The following WDR97 variants were observed in gnomAD, a reference collection of about 807,000 sequenced individuals.
WDR97 encodes WD repeat domain 97.
In WDR97, 111 loss-of-function variants were observed where a neutral mutation model predicts 65.4. The observed-to-expected ratio is 1.70, with a 90% CI of 1.45 to 1.99. The LOEUF is 1.99. WDR97 is among the 30% of genes most tolerant of loss of function. WDR97 has a pLI of 0.00. For missense variants in WDR97, 1,674 were observed against 865.0 expected (o/e 1.94, Z -11.73); for synonymous variants, 802 against 397.7 (o/e 2.02, Z -12.10).
In WDR97 at chr8:144,116,198, C is replaced by G. The variant is rs1243746899; in HGVS notation, c.4774C>G (p.Pro1592Ala). ...VEPQPFPLDW[P>A]MPPRPLPPRL... Reference sequence around the variant, plus strand: ...GCCGCAGCCTTTCCCCCTGGACTGGCCTATGCCCCCGCGCCCGCTGCCCCC... The same window carrying G: ...GCCGCAGCCTTTCCCCCTGGACTGGGCTATGCCCCCGCGCCCGCTGCCCCC... The change falls in exon 24 of 24, where the codon CCT becomes GCT. Residue 1592 changes from proline to alanine, a missense_variant. Coordinates refer to ENST00000323662, the MANE Select transcript of WDR97 (RefSeq NM_001316309.2). 1 of 695,648 alleles carries G rather than the reference C, an allele frequency of 1.4e-6. No individual in the cohort carries two copies. The highest frequency in any genetic ancestry group is 2.6e-6 in the Non-Finnish European group (1 of 381,412). The allele number at this position is 695,648 out of a possible 1,614,324, so 43.1% of individuals were successfully genotyped here.
At chr8:144,112,553 G>A (rs1435477805) in intron 15 of WDR97, 23 bp downstream of exon 15, 19 of 702,422 alleles carry the variant, frequency 2.7e-5, no homozygotes, top group Non-Finnish European at 4.9e-5. Context: ...CCCAGCTCCT[G>A]GAGAGCCACT....
intron 21 of WDR97, 75 bp from the exon 22 acceptor site, chr8:144,115,266 C>T (rs1836627469): frequency 7.0e-6 from 4 of 572,872 alleles, no homozygotes; most frequent in Non-Finnish European, 1.2e-5. Context: ...AAGCTCGCAG[C>T]CACTGTCTGC....
rs1244435778 is a variant in WDR97, at chr8:144,110,186, C to T, written c.1773C>T (p.Phe591=). Residue 591 remains phenylalanine, a synonymous_variant, in exon 6 of 24, where the codon TTC becomes TTT. Transcript: ENST00000323662. ...VLEWLSSKTV[F]QTEAHSPGPV... is the part of the protein sequence containing the mutation. Reference sequence around the variant, plus strand: ...AGTGGCTCTCGTCGAAGACTGTCTTCCAAACGGAGGCGCACAGCCCGGGCC... The same window carrying T: ...AGTGGCTCTCGTCGAAGACTGTCTTTCAAACGGAGGCGCACAGCCCGGGCC... The T allele has an allele frequency of 1.4e-6, 1 of 702,932 alleles. No individual in the cohort carries two copies. Among genetic ancestry groups the T allele is most frequent in the Non-Finnish European group, 2.6e-6 (1 of 384,964 alleles). 43.5% of individuals were successfully genotyped at this position (702,932 alleles called of 1,614,324 possible).
rs1302701100 is a variant in WDR97 at position 144,110,398 on chromosome 8, G to T, written c.1901G>T (p.Ser634Ile). The change falls in exon 7 of 24, where the codon AGC becomes ATC. Residue 634 changes from serine (S) to isoleucine (I), a missense_variant. Transcript: ENST00000323662. ...RVFPYAEESL[S>I]LLRTFSCCYP... Reference sequence around the variant, plus strand: ...TTCCCCTATGCCGAAGAGAGCCTGAGCCTGCTGCGCACCTTCTCCTGCTGC... The same window carrying T: ...TTCCCCTATGCCGAAGAGAGCCTGATCCTGCTGCGCACCTTCTCCTGCTGC... 2.8e-6 allele frequency: 2 copies of T among 703,034 alleles called. No individual in the cohort carries two copies. The highest frequency in any genetic ancestry group is 2.0e-5 in the Admixed American group (1 of 50,028). The allele number at this position is 703,034 out of a possible 1,614,324, so 43.5% of individuals were successfully genotyped here.
In WDR97 at chr8:144,108,368, T is replaced by A. The variant is rs1836460804; in HGVS notation, c.302T>A (p.Leu101Gln). ...AARLTHGLEP[L>Q]RRLEVAAGLR... Reference sequence around the variant, plus strand: ...CGCCTGACGCATGGGCTGGAACCACTGCGCCGCCTGGAGGTGGCAGCCGGG... The same window carrying A: ...CGCCTGACGCATGGGCTGGAACCACAGCGCCGCCTGGAGGTGGCAGCCGGG... The change falls in exon 3 of 24, where the codon CTG becomes CAG. Residue 101 changes from leucine to glutamine, a missense_variant. Coordinates refer to ENST00000323662, the MANE Select transcript of WDR97 (RefSeq NM_001316309.2). 1.4e-6 allele frequency: 1 copy of A among 693,636 alleles called. No individual in the cohort carries two copies. Among genetic ancestry groups the A allele is most frequent in the Non-Finnish European group, 2.6e-6 (1 of 381,184 alleles). 43.0% of individuals were successfully genotyped at this position (693,636 alleles called of 1,614,324 possible). A position where few individuals can be genotyped will look rare whatever the true frequency, so the allele number is the denominator to read the frequency against.
rs1258953840 is a variant in WDR97, at chr8:144,116,335, A to C, written c.*42A>C. 6 of 587,932 alleles carry C rather than the reference A, an allele frequency of 1.0e-5. No homozygotes were observed. Among genetic ancestry groups the C allele is most frequent in the Non-Finnish European group, 1.8e-5 (6 of 329,316 alleles). 36.4% of individuals were successfully genotyped at this position (587,932 alleles called of 1,614,324 possible). On this transcript the variant is annotated 3_prime_UTR_variant, in exon 24 of 24. Coordinates refer to ENST00000323662, the MANE Select transcript of WDR97 (RefSeq NM_001316309.2). The stretch of plus-strand genomic sequence containing the variant: ...AGCCCGCCTGGCTCTGGGGCCTGTC[A>C]TTGGTATTTGGCCAAGGCCTGCATC...
Position 144,112,533 on chromosome 8 carries a change from G to A in WDR97, c.3105+3G>A, listed in dbSNP as rs1343632772. On this transcript the variant is annotated splice_donor_region_variant and intron_variant, in intron 15 of 23. Transcript: ENST00000323662. Reference sequence around the variant, plus strand: ...CTGCCACCGTGCAGCCCCACAAGGTGAGACCCCCTCCCAGCTCCTGGAGAG... The same window carrying A: ...CTGCCACCGTGCAGCCCCACAAGGTAAGACCCCCTCCCAGCTCCTGGAGAG... 2.8e-6 allele frequency: 2 copies of A among 702,614 alleles called. No homozygotes were observed. The highest frequency in any genetic ancestry group is 1.7e-5 in the African/African-American group (1 of 57,358). The allele number at this position is 702,614 out of a possible 1,614,324, so 43.5% of individuals were successfully genotyped here.
chr8:144,110,192 G>A lies in WDR97; in HGVS notation c.1779G>A (p.Thr593=), dbSNP rs1354535759. The A allele has an allele frequency of 5.7e-6, 4 of 702,768 alleles. No homozygotes were observed. In the African/African-American group the frequency reaches 7.0e-5, roughly 12 times the overall value. 43.5% of individuals were successfully genotyped at this position (702,768 alleles called of 1,614,324 possible). Residue 593 remains threonine, a synonymous_variant, in exon 6 of 24, where the codon ACG becomes ACA. Transcript: ENST00000323662. ...TCTCGTCGAAGACTGTCTTCCAAAC[G>A]GAGGCGCACAGCCCGGGCCCGGTTG... ...EWLSSKTVFQ[T]EAHSPGPVVA... is the part of the protein sequence containing the mutation.
In WDR97 at chr8:144,109,792, C is replaced by T; in HGVS notation, c.1458C>T (p.Arg486=). The change falls in exon 5 of 24, where the codon CGC becomes CGT. Residue 486 remains arginine (R), a synonymous_variant. Coordinates refer to ENST00000323662, the MANE Select transcript of WDR97 (RefSeq NM_001316309.2). ...CAAAVAYCLP[R]EALWLLTRAG... is the part of the protein sequence containing the mutation. ...CAGCCGTGGCCTACTGCCTGCCGCG[C>T]GAGGCGCTGTGGCTGCTGACCAGGG... 1 of 670,158 alleles carries T rather than the reference C, an allele frequency of 1.5e-6. No individual in the cohort carries two copies. The highest frequency in any genetic ancestry group is 2.7e-6 in the Non-Finnish European group (1 of 372,740). 41.5% of individuals were successfully genotyped at this position (670,158 alleles called of 1,614,324 possible).
chr8:144,112,573 G>T lies in WDR97; in HGVS notation c.3105+43G>T, dbSNP rs1041972132. On this transcript the variant is annotated intron_variant, in intron 15 of 23. Transcript: ENST00000323662. ...CTCCTGGAGAGCCACTCCTCTCCAG[G>T]CATCACTCTTGTGCCTGCCATCTCC... The T allele has an allele frequency of 1.1e-5, 8 of 702,188 alleles. No individual in the cohort carries two copies. In the African/African-American group the frequency reaches 1.4e-4, roughly 12 times the overall value. 43.5% of individuals were successfully genotyped at this position (702,188 alleles called of 1,614,324 possible). A position where few individuals can be genotyped will look rare whatever the true frequency, so the allele number is the denominator to read the frequency against.
At chr8:144,111,288 G>A (rs544209807) in intron 10 of WDR97, 66 bp downstream of exon 10, 14 of 702,682 alleles carry the variant, frequency 2.0e-5, no homozygotes, top group Middle Eastern at 2.3e-4. Flanking sequence ...GGGGCCTGGC[G>A]GTGTGGGGCC....
At position 144,108,087 on chromosome 8, in the gene WDR97, C is replaced by T. The variant is rs1418773677; in HGVS notation, c.141C>T (p.Val47=). The T allele has an allele frequency of 4.3e-6, 3 of 702,786 alleles. No individual in the cohort carries two copies. The highest frequency in any genetic ancestry group is 5.2e-6 in the Non-Finnish European group (2 of 384,998). The allele number at this position is 702,786 out of a possible 1,614,324, so 43.5% of individuals were successfully genotyped here. ...NELTFTEPSQ[V]LPFLTSSQQW... ...TGACTTTCACGGAGCCGTCGCAGGT[C>T]CTGCCCTTTTTGACCAGCAGCCAAC... is the stretch of plus-strand genomic sequence containing the variant. Residue 47 remains valine (V), a synonymous_variant, in exon 2 of 24, where the codon GTC becomes GTT. Coordinates refer to ENST00000323662, the MANE Select transcript of WDR97 (RefSeq NM_001316309.2).
chr8:144,114,776 G>A lies in WDR97; in HGVS notation c.3942G>A (p.Gly1314=). 2.8e-6 allele frequency: 2 copies of A among 702,210 alleles called. No homozygotes were observed. Among genetic ancestry groups the A allele is most frequent in the South Asian group, 1.5e-5 (1 of 67,548 alleles). The allele number at this position is 702,210 out of a possible 1,614,324, so 43.5% of individuals were successfully genotyped here. ...CAGAGCTCAAGAAGCTGCTGCACGG[G>A]CTGGGCCTTCAGGACCCAGAGGGCT... ...CRPELKKLLH[G]LGLQDPEGFL... Residue 1314 remains glycine, a synonymous_variant, in exon 21 of 24, where the codon GGG becomes GGA. Transcript: ENST00000323662.
rs1267760317 is a variant in WDR97 at position 144,116,853 on chromosome 8, A to G, written c.*560A>G. On this transcript the variant is annotated 3_prime_UTR_variant, in exon 24 of 24. Transcript: ENST00000323662. ...AGCATCCTCTGACCCCTTTAGCCTG[A>G]AAGTCCCTAGGGGAGGGGCTTGGTC... 1 of 152,316 alleles carries G rather than the reference A, an allele frequency of 6.6e-6. No homozygotes were observed. Among genetic ancestry groups the G allele is most frequent in the African/African-American group, 2.4e-5 (1 of 41,466 alleles). The allele number at this position is 152,316 out of a possible 1,614,324, so 9.4% of individuals were successfully genotyped here.
Position 144,114,007 on chromosome 8 carries a change from C to T in WDR97, c.3439C>T (p.Arg1147Trp), listed in dbSNP as rs781188668. ...SAVDWTQEPRRRSCKVARTHP... is the reference protein window; with the variant it reads ...SAVDWTQEPRWRSCKVARTHP... The stretch of plus-strand genomic sequence containing the variant: ...TGTGGACTGGACCCAGGAGCCCCGG[C>T]GGCGCAGCTGCAAGGTTGCCAGGAC... The change falls in exon 18 of 24, where the codon CGG becomes TGG. Residue 1147 changes from arginine to tryptophan, a missense_variant. Arg to Trp is a moderately radical substitution (Grantham distance 101). Coordinates refer to ENST00000323662, the MANE Select transcript of WDR97 (RefSeq NM_001316309.2). 7 of 702,632 alleles carry T rather than the reference C, an allele frequency of 1.0e-5. No individual in the cohort carries two copies. The highest frequency in any genetic ancestry group is 1.7e-5 in the African/African-American group (1 of 57,280). The allele number at this position is 702,632 out of a possible 1,614,324, so 43.5% of individuals were successfully genotyped here. A position where few individuals can be genotyped will look rare whatever the true frequency, so the allele number is the denominator to read the frequency against.
chr8:144,111,592 G>A (rs1316265755), intron 11 of WDR97, 40 bp from the exon 12 acceptor site: 1 of 678,862 alleles, frequency 1.5e-6, no homozygotes, highest in African/African-American at 1.8e-5. Flanking sequence ...ACATAGCAAG[G>A]CTCAAGGAAG....
chr8:144,116,428 C>T lies in WDR97; in HGVS notation c.*135C>T. 3.7e-6 allele frequency: 2 copies of T among 546,430 alleles called. No individual in the cohort carries two copies. Among genetic ancestry groups the T allele is most frequent in the Non-Finnish European group, 3.2e-6 (1 of 309,614 alleles). The allele number at this position is 546,430 out of a possible 1,614,324, so 33.8% of individuals were successfully genotyped here. Reference sequence around the variant, plus strand: ...GCTTTGGAGGGCCCCGGGGTGCGCACGGCGTGTGGGCGTGCGGCCTGAACC... The same window carrying T: ...GCTTTGGAGGGCCCCGGGGTGCGCATGGCGTGTGGGCGTGCGGCCTGAACC... On this transcript the variant is annotated 3_prime_UTR_variant, in exon 24 of 24. Coordinates refer to ENST00000323662, the MANE Select transcript of WDR97 (RefSeq NM_001316309.2).
In WDR97 at chr8:144,114,832, AG is replaced by A. The variant is rs1564323391; in HGVS notation, c.4001del (p.Gly1334AlafsTer21). On this transcript the variant is annotated frameshift_variant, in exon 21 of 24. Coordinates refer to ENST00000323662, the MANE Select transcript of WDR97 (RefSeq NM_001316309.2). LOFTEE classifies it high-confidence loss of function. ...TTCAAGGAGATGATGACCTGGGTCC[AG>A]GGCCCAGACCTGGACTCCAAGGCCG... ...FLFKEMMTWVQGPDLDSKAGL... is the reference protein window; with the variant it reads ...FLFKEMMTWVXGPDLDSKAGL... 1 of 702,642 alleles carries A rather than the reference AG, an allele frequency of 1.4e-6. No homozygotes were observed. Among genetic ancestry groups the A allele is most frequent in the African/African-American group, 1.7e-5 (1 of 57,270 alleles). 43.5% of individuals were successfully genotyped at this position (702,642 alleles called of 1,614,324 possible).
At position 144,110,432 on chromosome 8, in the gene WDR97, C is replaced by G; in HGVS notation, c.1935C>G (p.Ala645=). ...LLRTFSCCYP[A]VALCALGRRV... is the part of the protein sequence containing the mutation. ...GCACCTTCTCCTGCTGCTACCCGGCCGTGGCGCTCTGTGCGCTAGGCAGAC... is the reference window on the plus strand; with the variant it reads ...GCACCTTCTCCTGCTGCTACCCGGCGGTGGCGCTCTGTGCGCTAGGCAGAC... The change falls in exon 7 of 24, where the codon GCC becomes GCG. Residue 645 remains alanine, a synonymous_variant. Coordinates refer to ENST00000323662, the MANE Select transcript of WDR97 (RefSeq NM_001316309.2). 1 of 703,028 alleles carries G rather than the reference C, an allele frequency of 1.4e-6. No individual in the cohort carries two copies. The highest frequency in any genetic ancestry group is 2.6e-6 in the Non-Finnish European group (1 of 384,982). The allele number at this position is 703,028 out of a possible 1,614,324, so 43.5% of individuals were successfully genotyped here. A position where few individuals can be genotyped will look rare whatever the true frequency, so the allele number is the denominator to read the frequency against.
Sources: gnomAD v4.1 joint callset for allele counts on GRCh38, gnomAD v4.1.1 for gene constraint, MANE v1.5 for transcripts, NCBI Gene and HGNC (gene_info 2026-07-23, HGNC 2026-07-21) for gene names.